Variants in MAGI2 observed in about 807,000 individuals in gnomAD.
The protein encoded by MAGI2 is membrane-associated guanylate kinase, WW and PDZ domain-containing protein 2.
Under a neutral mutation model 133.3 loss-of-function variants are expected in MAGI2, and 35 were observed. The observed-to-expected ratio is 0.26, with a 90% confidence interval of 0.20 to 0.35. The LOEUF is 0.35. Among genes scored for constraint, MAGI2 ranks in the 10% least tolerant of loss-of-function variants. MAGI2 has a pLI of 1.00. For synonymous variants in MAGI2, 729 were observed against 710.6 expected, an observed-to-expected ratio of 1.03 and a Z score of -0.41; for missense variants, 1,636 against 1,863.4, an observed-to-expected ratio of 0.88 and a Z score of 2.25.
At chr7:78,087,968 C>T (rs938759913) in intron 20 of MAGI2, among the ~76,000 whole-genome samples, 4 of 152,144 alleles carry the variant, frequency 2.6e-5, no homozygotes, top group Non-Finnish European at 5.9e-5. Flanking sequence ...TTAAAATTAT[C>T]GGCCTAAGAA....
intron 1 of MAGI2, among the ~76,000 whole-genome samples, chr7:79,316,522 T>C (rs1318206264): frequency 1.3e-5 from 2 of 152,220 alleles, no homozygotes; most frequent in South Asian, 4.1e-4. Flanking sequence ...CATTTCTGTA[T>C]TTGAAGAAAC....
At chr7:78,869,044 T>C (rs487919) in intron 2 of MAGI2, among the ~76,000 whole-genome samples, 143,130 of 152,266 alleles carry the variant, frequency 0.94, 67,787 homozygotes, top group Non-Finnish European at 1. Flanking sequence ...TGAGCCACCA[T>C]GCCCAGCCCC....
chr7:78,535,807 C>G (rs1281094055), intron 3 of MAGI2, among the ~76,000 whole-genome samples: 1 of 152,048 alleles, frequency 6.6e-6, no homozygotes, highest in Non-Finnish European at 1.5e-5. Flanking sequence ...TTTGCAGACC[C>G]TGCATTTCAA....
intron 6 of MAGI2, among the ~76,000 whole-genome samples, chr7:78,378,412 C>T (rs1026567677): frequency 5.3e-5 from 8 of 151,786 alleles, no homozygotes; most frequent in African/African-American, 7.3e-5. Flanking sequence ...GTCATATAGC[C>T]GGAAAAATTG....
chr7:78,907,353 TG>T (rs1161353951), intron 2 of MAGI2, among the ~76,000 whole-genome samples: 1 of 152,202 alleles, frequency 6.6e-6, no homozygotes, highest in African/African-American at 2.4e-5. Flanking sequence ...TCTCAATGCT[TG>T]ATAAAGATTA....
chr7:78,038,686 A>G (rs1810494132), intron 21 of MAGI2, among the ~76,000 whole-genome samples: 1 of 152,238 alleles, frequency 6.6e-6, no homozygotes, highest in Non-Finnish European at 1.5e-5. Context: ...TTAGCCTGTG[A>G]GTTCACTTTG....
At chr7:78,184,088 T>C (rs924992754) in intron 13 of MAGI2, among the ~76,000 whole-genome samples, 2 of 152,254 alleles carry the variant, frequency 1.3e-5, no homozygotes, top group Non-Finnish European at 2.9e-5. Context: ...TCTAAACTAC[T>C]GGGCCATTCT....
At chr7:79,125,716 G>A (rs1820353584) in intron 1 of MAGI2, 1 of 526,382 alleles carries the variant, frequency 1.9e-6, no homozygotes, top group African/African-American at 1.9e-5. Context: ...AGAAGCTCTG[G>A]CCCCTATGAT....
Position 78,718,447 on chromosome 7 carries a change from C to CA in MAGI2, c.419-91209dup, listed in dbSNP as rs35856078. On this transcript the variant is annotated intron_variant, in intron 2 of 21. Transcript: ENST00000354212. Reference sequence around the variant, plus strand: ...GTCATCTGTATTTATAGCTACTCCCCATTCCTTGGATTACCGCCTGAACTC... The same window carrying CA: ...GTCATCTGTATTTATAGCTACTCCCCAATTCCTTGGATTACCGCCTGAACTC... Among the ~76,000 whole-genome samples the CA allele has an allele frequency of 9.4e-3, 1,433 of 152,192 alleles. 26 individuals carry two copies. The highest frequency in any genetic ancestry group is 0.033 in the African/African-American group (1,368 of 41,510).
At chr7:78,390,723 C>T (rs1479914001) in intron 6 of MAGI2, among the ~76,000 whole-genome samples, 7 of 152,142 alleles carry the variant, frequency 4.6e-5, no homozygotes, top group African/African-American at 7.2e-5. Flanking sequence ...TCTACTGCAA[C>T]ACATTTAGTA....
At chr7:79,085,084 C>T (rs993148424) in intron 1 of MAGI2, among the ~76,000 whole-genome samples, 2 of 151,550 alleles carry the variant, frequency 1.3e-5, no homozygotes, top group Non-Finnish European at 3.0e-5. Flanking sequence ...TCTCCTTTCT[C>T]TCTTTTTGAA....
chr7:78,627,807 A>G (rs763141404), intron 2 of MAGI2, among the ~76,000 whole-genome samples: 15 of 152,228 alleles, frequency 9.9e-5, no homozygotes, highest in Non-Finnish European at 2.1e-4. Flanking sequence ...TTAAAATTAA[A>G]TAATTAGAAT....
intron 16 of MAGI2, among the ~76,000 whole-genome samples, chr7:78,157,836 A>C (rs753632824): frequency 1.3e-5 from 2 of 152,318 alleles, no homozygotes; most frequent in Admixed American, 6.5e-5. Flanking sequence ...CTTTTAGTCT[A>C]TGCTTAAAGA....
At chr7:79,205,039 A>G (rs1468104591) in intron 1 of MAGI2, among the ~76,000 whole-genome samples, 2 of 152,048 alleles carry the variant, frequency 1.3e-5, no homozygotes, top group African/African-American at 4.8e-5. Context: ...GAAGAGAAAG[A>G]TCAAGGGTTA....
At chr7:78,715,894 G>A (rs997666968) in intron 2 of MAGI2, among the ~76,000 whole-genome samples, 9 of 64,584 alleles carry the variant, frequency 1.4e-4, no homozygotes, top group African/African-American at 3.6e-4. Flanking sequence ...CATAACACTC[G>A]GAATTTTCAA....
At chr7:79,117,627 G>A (rs951552153) in intron 1 of MAGI2, among the ~76,000 whole-genome samples, 1 of 152,092 alleles carries the variant, frequency 6.6e-6, no homozygotes. Context: ...ACAAAGTTCA[G>A]CTTTTATCTG....
chr7:78,268,063 G>T (rs1221487138), intron 9 of MAGI2, among the ~76,000 whole-genome samples: 1 of 151,956 alleles, frequency 6.6e-6, no homozygotes, highest in Non-Finnish European at 1.5e-5. Flanking sequence ...CCACATGTTT[G>T]TATGTTAATT....
intron 6 of MAGI2, among the ~76,000 whole-genome samples, chr7:78,394,783 T>C (rs1016426467): frequency 3.3e-5 from 5 of 152,216 alleles, no homozygotes; most frequent in South Asian, 4.1e-4. Flanking sequence ...TATTTCTCAA[T>C]GGTTGTTGCA....
chr7:78,027,984 G>A (rs528190191), intron 21 of MAGI2, among the ~76,000 whole-genome samples: 1 of 152,286 alleles, frequency 6.6e-6, no homozygotes, highest in South Asian at 2.1e-4. Flanking sequence ...AGAATATTAT[G>A]GGAAAATACT....
Sources: allele counts gnomAD v4.1 joint callset (sites outside exome capture counted in the v4.1 genomes callset), GRCh38; gene constraint gnomAD v4.1.1; transcripts MANE v1.5; gene names NCBI Gene and HGNC (gene_info 2026-07-23, HGNC 2026-07-21).